PDE4D: variants seen among roughly 807,000 people sequenced by gnomAD.
PDE4D encodes 3',5'-cyclic-AMP phosphodiesterase 4D.
In PDE4D, 24 loss-of-function variants were observed where a neutral mutation model predicts 87.4. The observed-to-expected ratio is 0.27, with a 90% CI of 0.20 to 0.39. PDE4D has a LOEUF of 0.39. PDE4D is among the 10% of genes least tolerant of loss of function. The pLI is 1.00. For synonymous variants in PDE4D, 384 were observed against 383.2 expected (o/e 1.00, Z -0.02); for missense variants, 714 against 1,041.0 (o/e 0.69, Z 4.32).
At chr5:59,320,522 G>A (rs909243266) in intron 1 of PDE4D, among the ~76,000 whole-genome samples, 1 of 152,018 alleles carries the variant, frequency 6.6e-6, no homozygotes, top group Non-Finnish European at 1.5e-5. Flanking sequence ...ACTTCAAAGC[G>A]TGTACTTATA....
intron 1 of PDE4D, among the ~76,000 whole-genome samples, chr5:59,657,028 G>A (rs182227412): frequency 1.6e-4 from 24 of 152,176 alleles, no homozygotes; most frequent in African/African-American, 4.8e-4. Flanking sequence ...CATAAAATAT[G>A]AGGCACGTGG....
chr5:59,090,468 C>G (rs571903274), intron 5 of PDE4D, among the ~76,000 whole-genome samples: 3 of 152,094 alleles, frequency 2.0e-5, no homozygotes, highest in Non-Finnish European at 4.4e-5. Context: ...CTCTCTATTT[C>G]GAAAAGATGC....
At chr5:59,999,019 A>G (rs972411650) in intron 2 of PDE4D, among the ~76,000 whole-genome samples, 3 of 152,200 alleles carry the variant, frequency 2.0e-5, no homozygotes, top group Non-Finnish European at 2.9e-5. Flanking sequence ...ACGCCAACTT[A>G]GCAATAATAT....
chr5:59,102,807 G>A (rs1412846510), intron 5 of PDE4D, among the ~76,000 whole-genome samples: 1 of 152,054 alleles, frequency 6.6e-6, no homozygotes, highest in Non-Finnish European at 1.5e-5. Context: ...TTTTAACAAG[G>A]GCATGGGTTT....
At chr5:59,531,259 T>G (rs201308117) in intron 1 of PDE4D, among the ~76,000 whole-genome samples, 2 of 152,186 alleles carry the variant, frequency 1.3e-5, no homozygotes, top group Admixed American at 1.3e-4. Flanking sequence ...TTCCTTCATC[T>G]GAAATGTTCT....
At chr5:59,527,502 T>C (rs1405925823) in intron 1 of PDE4D, among the ~76,000 whole-genome samples, 4 of 152,208 alleles carry the variant, frequency 2.6e-5, no homozygotes, top group Admixed American at 1.3e-4. Flanking sequence ...CTTAATCCTA[T>C]TGCAATAAAG....
Position 59,802,510 on chromosome 5 carries a change from T to C in PDE4D, c.455+90658A>G, listed in dbSNP as rs1055970679. On this transcript the variant is annotated intron_variant, in intron 1 of 14. Transcript: ENST00000340635. Reference sequence around the variant, plus strand: ...ACCTCCCAGGTTCAAGCGATTCTCCTGCCTCAGCCTCCCAAATAGCTGGGA... The same window carrying C: ...ACCTCCCAGGTTCAAGCGATTCTCCCGCCTCAGCCTCCCAAATAGCTGGGA... Among the ~76,000 whole-genome samples the C allele has an allele frequency of 6.6e-5, 10 of 150,626 alleles. No homozygotes were observed. The Admixed American group carries it at 6.6e-4, about 10-fold the overall frequency.
intron 1 of PDE4D, among the ~76,000 whole-genome samples, chr5:60,234,683 T>C (rs1006450507): frequency 1.3e-5 from 2 of 151,882 alleles, no homozygotes; most frequent in African/African-American, 4.8e-5. Context: ...GGGACTTTCT[T>C]TGTGGGAAAT....
intron 1 of PDE4D, among the ~76,000 whole-genome samples, chr5:60,262,857 A>G (rs1749794703): frequency 6.6e-6 from 1 of 152,194 alleles, no homozygotes; most frequent in Non-Finnish European, 1.5e-5. Flanking sequence ...TAGAGAGTGG[A>G]GAAAAATGCA....
intron 2 of PDE4D, among the ~76,000 whole-genome samples, chr5:60,126,347 T>C (rs1779122293): frequency 6.6e-6 from 1 of 152,220 alleles, no homozygotes. Context: ...ATTTTACTTT[T>C]ATTCTGCCAT....
At chr5:59,738,621 T>C (rs1270243772) in intron 1 of PDE4D, among the ~76,000 whole-genome samples, 2 of 152,024 alleles carry the variant, frequency 1.3e-5, no homozygotes, top group Non-Finnish European at 2.9e-5. Flanking sequence ...TTACCTTTAG[T>C]GTTGTATGGT....
chr5:59,785,367 T>C (rs1765066126), intron 1 of PDE4D, among the ~76,000 whole-genome samples: 1 of 152,202 alleles, frequency 6.6e-6, no homozygotes, highest in African/African-American at 2.4e-5. Flanking sequence ...AATTAACACT[T>C]CATTCATTGA....
intron 1 of PDE4D, among the ~76,000 whole-genome samples, chr5:59,351,725 C>T (rs1219212179): frequency 1.3e-5 from 2 of 151,980 alleles, no homozygotes; most frequent in Admixed American, 6.6e-5. Flanking sequence ...GATGCTTTTG[C>T]TTAGCATTTC....
intron 1 of PDE4D, among the ~76,000 whole-genome samples, chr5:59,352,850 A>G (rs530400063): frequency 6.6e-6 from 1 of 152,292 alleles, no homozygotes; most frequent in African/African-American, 2.4e-5. Flanking sequence ...TACACGAGGT[A>G]CAAGCATGCA....
chr5:59,595,670 A>G (rs1826569676), intron 1 of PDE4D, among the ~76,000 whole-genome samples: 1 of 152,154 alleles, frequency 6.6e-6, no homozygotes, highest in Non-Finnish European at 1.5e-5. Context: ...GGGCTTACAA[A>G]AGTTATTATT....
intron 1 of PDE4D, among the ~76,000 whole-genome samples, chr5:60,406,847 T>C (rs946315273): frequency 2.0e-5 from 3 of 152,052 alleles, no homozygotes; most frequent in African/African-American, 7.2e-5. Flanking sequence ...TTCTATTTCT[T>C]GTAAATTATG....
intron 1 of PDE4D, chr5:59,587,350 A>G: frequency 1.5e-6 from 1 of 667,390 alleles, no homozygotes. Flanking sequence ...TCCTCTCTCA[A>G]TCTCTTTTGT....
chr5:59,322,410 G>C (rs1315282293), intron 1 of PDE4D, among the ~76,000 whole-genome samples: 1 of 152,036 alleles, frequency 6.6e-6, no homozygotes, highest in Non-Finnish European at 1.5e-5. Context: ...GCAACCCAAT[G>C]AGTAGTTTAT....
intron 1 of PDE4D, among the ~76,000 whole-genome samples, chr5:60,449,085 A>G (rs1745885427): frequency 3.0e-5 from 4 of 133,956 alleles, no homozygotes; most frequent in Middle Eastern, 3.5e-3. Flanking sequence ...ACACACACAC[A>G]CACACACACA....
Sources: gnomAD v4.1 joint callset for allele counts (sites outside exome capture counted in the v4.1 genomes callset) on GRCh38, gnomAD v4.1.1 for gene constraint, MANE v1.5 for transcripts, NCBI Gene and HGNC (gene_info 2026-07-23, HGNC 2026-07-21) for gene names.